Variants in RANGAP1 observed in about 807,000 individuals in gnomAD.
RANGAP1 encodes the protein Ran GTPase activating protein 1, also known as ran GTPase-activating protein 1.
Under a neutral mutation model 63.5 loss-of-function variants are expected in RANGAP1, and 38 were observed. The ratio of observed to expected loss-of-function variants is 0.60; its 90% CI spans 0.46 to 0.78. The LOEUF is 0.78. Among genes scored for constraint, RANGAP1 ranks in the 30% least tolerant of loss-of-function variants. The probability of loss-of-function intolerance (pLI) is 0.00; values close to 1 mark genes in which losing one functional copy is unlikely to be tolerated. For missense variants in RANGAP1, 630 were observed against 740.3 expected (o/e 0.85, Z 1.73); for synonymous variants, 329 against 310.5 (o/e 1.06, Z -0.63).
chr22:41,273,364 G>GT (rs1456812248), intron 3 of RANGAP1, among the ~76,000 whole-genome samples: 3 of 152,198 alleles, frequency 2.0e-5, no homozygotes, highest in Admixed American at 6.5e-5. Flanking sequence ...CTCACAGAGC[G>GT]TATCAGAAGA....
intron 12 of RANGAP1, among the ~76,000 whole-genome samples, chr22:41,252,136 G>T (rs1156457919): frequency 6.6e-6 from 1 of 152,008 alleles, no homozygotes; most frequent in Non-Finnish European, 1.5e-5. Flanking sequence ...TTTGAGACCA[G>T]CCTGGCCAAC....
intron 10 of RANGAP1, 121 bp downstream of exon 10, chr22:41,255,900 G>A: frequency 1.0e-6 from 1 of 994,994 alleles, no homozygotes; most frequent in East Asian, 2.6e-5. Context: ...GCTGCAGTGA[G>A]CCGAGATCAC....
chr22:41,255,766 C>A (rs376857372), intron 10 of RANGAP1, among the ~76,000 whole-genome samples: 2 of 151,890 alleles, frequency 1.3e-5, no homozygotes, highest in South Asian at 2.1e-4. Context: ...CAGGAGTGCA[C>A]CCAACGTTTC....
chr22:41,256,891 G>T, intron 7 of RANGAP1, 67 bp from the exon 8 acceptor site: 1 of 1,338,012 alleles, frequency 7.5e-7, no homozygotes, highest in African/African-American at 1.5e-5. Context: ...GCAAGCCCCG[G>T]GGGCCCCACA....
intron 12 of RANGAP1, among the ~76,000 whole-genome samples, chr22:41,252,649 G>C (rs116768396): frequency 6.6e-6 from 1 of 152,158 alleles, no homozygotes; most frequent in Non-Finnish European, 1.5e-5. Flanking sequence ...GGGAACTGGC[G>C]GGCTGTACTT....
intron 1 of RANGAP1, chr22:41,285,500 T>C: frequency 1.0e-6 from 1 of 985,392 alleles, no homozygotes; most frequent in Non-Finnish European, 1.2e-6. Context: ...AGAGACTTTC[T>C]GAGGTGAGAT....
chr22:41,270,429 G>A (rs763377673), intron 3 of RANGAP1, among the ~76,000 whole-genome samples: 38 of 152,190 alleles, frequency 2.5e-4, no homozygotes, highest in Non-Finnish European at 4.3e-4. Context: ...ATAGGCATGA[G>A]AGCCACCATG....
chr22:41,252,846 C>G, intron 12 of RANGAP1, 26 bp downstream of exon 12: 1 of 1,553,748 alleles, frequency 6.4e-7, no homozygotes, highest in Non-Finnish European at 8.7e-7. Flanking sequence ...GCACGTACAG[C>G]GTGGGGGTCG....
Position 41,252,167 on chromosome 22 carries a change from CT to C in RANGAP1, c.1380+704del, listed in dbSNP as rs532997730. On this transcript the variant is annotated intron_variant, in intron 12 of 15. Transcript: ENST00000356244. ...CCAACGTGGTGAAACCTCGTCTCTACTAAAAAATACAAAAATTAGCTGGGCG... is the reference window on the plus strand; with the variant it reads ...CCAACGTGGTGAAACCTCGTCTCTACAAAAAATACAAAAATTAGCTGGGCG... Among the ~76,000 whole-genome samples, 42 of 152,060 alleles carry C rather than the reference CT, an allele frequency of 2.8e-4. 1 individual carries two copies. The South Asian group carries it at 8.5e-3, about 31-fold the overall frequency.
intron 2 of RANGAP1, chr22:41,280,553 T>TACA: frequency 3.3e-6 from 2 of 597,926 alleles, no homozygotes; most frequent in Non-Finnish European, 5.1e-6. Flanking sequence ...TGGGGAAAGC[T>TACA]GCAGCTATTC....
At chr22:41,272,747 CT>C (rs2034912760) in intron 3 of RANGAP1, among the ~76,000 whole-genome samples, 1 of 152,112 alleles carries the variant, frequency 6.6e-6, no homozygotes, top group African/African-American at 2.4e-5. Flanking sequence ...ATCTCTTGAC[CT>C]TGTGATCTGC....
chr22:41,273,396 T>C (rs1373637093), intron 3 of RANGAP1, among the ~76,000 whole-genome samples: 8 of 152,110 alleles, frequency 5.3e-5, no homozygotes, highest in Admixed American at 5.2e-4. Context: ...GAGAACCTGT[T>C]TGGGGAACAC....
At chr22:41,293,772 AAAAAAAAAAG>A in the RANGAP1 span, among the ~76,000 whole-genome samples, 228 of 86,924 alleles carry the variant, frequency 2.6e-3, 1 homozygote, top group South Asian at 0.016. Context: ...AAAAAAAAAA[AAAAAAAAAAG>A]AAAAGAAATA....
chr22:41,256,280 A>T lies in RANGAP1; in HGVS notation c.899T>A (p.Leu300Ter), dbSNP rs760822829. ...ATCCCTCTTGATTTCACAGAATGAC[A>T]AGTTCAGCTCCTGAAAATAAGAGGA... ...GGLPKLKELN[L>*]SFCEIKRDAA... Residue 300 changes from leucine (L) to a stop codon, truncating the protein, a stop_gained, in exon 9 of 16, where the codon TTG (leucine) becomes TAG (stop). Transcript: ENST00000356244. LOFTEE classifies it high-confidence loss of function. 1 of 1,614,066 alleles carries T rather than the reference A, an allele frequency of 6.2e-7. No individual in the cohort carries two copies. The highest frequency in any genetic ancestry group is 1.1e-5 in the South Asian group (1 of 91,086).
chr22:41,256,843 G>A lies in RANGAP1; in HGVS notation c.775-19C>T, dbSNP rs1229827775. The A allele has an allele frequency of 1.2e-6, 2 of 1,601,970 alleles. No individual in the cohort carries two copies. Among genetic ancestry groups the A allele is most frequent in the South Asian group, 1.1e-5 (1 of 90,626 alleles). ...TCAAGGTCTGTGAGGGGGAAGCAAGGGTCCAGAGTGAGGGTGCAGACCACA... is the reference window on the plus strand; with the variant it reads ...TCAAGGTCTGTGAGGGGGAAGCAAGAGTCCAGAGTGAGGGTGCAGACCACA... On this transcript the variant is annotated intron_variant, in intron 7 of 15. Coordinates refer to ENST00000356244, the MANE Select transcript of RANGAP1 (RefSeq NM_002883.4).
upstream of RANGAP1, among the ~76,000 whole-genome samples, chr22:41,289,422 G>A (rs994687764): frequency 6.6e-6 from 1 of 151,556 alleles, no homozygotes; most frequent in Non-Finnish European, 1.5e-5. Flanking sequence ...AGGAATTCGA[G>A]ACCAGCCTGG....
At chr22:41,273,690 C>CT (rs1031965172) in intron 3 of RANGAP1, among the ~76,000 whole-genome samples, 16 of 138,900 alleles carry the variant, frequency 1.2e-4, no homozygotes, top group Admixed American at 5.9e-4. Flanking sequence ...TCACTTGAAC[C>CT]TGGGAGGTGG....
At chr22:41,262,573 C>G (rs944737800) in intron 5 of RANGAP1, among the ~76,000 whole-genome samples, 1 of 150,822 alleles carries the variant, frequency 6.6e-6, no homozygotes, top group Non-Finnish European at 1.5e-5. Flanking sequence ...TGGCCTAACT[C>G]CTGGCATGAG....
the RANGAP1 span, among the ~76,000 whole-genome samples, chr22:41,295,571 C>A: frequency 2.0e-5 from 3 of 150,446 alleles, no homozygotes; most frequent in Non-Finnish European, 4.5e-5. Context: ...CGGAAGGCCG[C>A]AGGGTCCTCT....
Sources: gnomAD v4.1 joint callset for allele counts (sites outside exome capture counted in the v4.1 genomes callset) on GRCh38, gnomAD v4.1.1 for gene constraint, MANE v1.5 for transcripts, NCBI Gene and HGNC (gene_info 2026-07-23, HGNC 2026-07-21) for gene names.